PCDHGA3: variants seen among roughly 807,000 people sequenced by gnomAD.
The protein encoded by PCDHGA3 is protocadherin gamma subfamily A, 3, also known as protocadherin gamma-A3.
In PCDHGA3, 40 loss-of-function variants were observed where a neutral mutation model predicts 58.5. The observed-to-expected ratio is 0.68, with a 90% CI of 0.53 to 0.89. The LOEUF is 0.89. Among genes scored for constraint, PCDHGA3 ranks in the 40% least tolerant of loss-of-function variants. The pLI, the probability that PCDHGA3 is intolerant of heterozygous loss-of-function variation, is 0.00. For synonymous variants in PCDHGA3, 530 were observed against 525.7 expected (o/e 1.01, Z -0.11); for missense variants, 1,223 against 1,195.9 (o/e 1.02, Z -0.33).
chr5:141,350,984 G>A (rs776868264), intron 1 of PCDHGA3: 4 of 1,614,090 alleles, frequency 2.5e-6, no homozygotes, highest in South Asian at 1.1e-5. Flanking sequence ...GTTTAGCCAG[G>A]AGGTATACAG....
chr5:141,360,392 T>G (rs765496414), intron 1 of PCDHGA3: 106 of 1,613,788 alleles, frequency 6.6e-5, no homozygotes, highest in Non-Finnish European at 8.9e-5. Context: ...GACTTACTTG[T>G]GAGTGACAGA....
intron 1 of PCDHGA3, chr5:141,377,510 T>C (rs990813838): frequency 6.6e-6 from 1 of 152,006 alleles, no homozygotes; most frequent in African/African-American, 2.4e-5. Context: ...ATAGGAGGAT[T>C]GCTTAAGTCC....
intron 3 of PCDHGA3, 149 bp downstream of exon 3, chr5:141,505,630 A>T: frequency 6.8e-7 from 1 of 1,480,262 alleles, no homozygotes; most frequent in East Asian, 2.4e-5. Flanking sequence ...AATTCCAAAC[A>T]TAAAGCCTGG....
rs71576115 is a variant in PCDHGA3 at position 141,463,438 on chromosome 5, C to CTTTT, written c.2425-31344_2425-31341dup. Among the ~76,000 whole-genome samples, 106 of 103,254 alleles carry CTTTT rather than the reference C, an allele frequency of 1.0e-3. 8 individuals are homozygous for CTTTT. Among genetic ancestry groups the CTTTT allele is most frequent in the African/African-American group, 3.9e-3 (88 of 22,404 alleles). The allele number at this position is 103,254 out of a possible 152,430, so 67.7% of individuals were successfully genotyped here. ...GTTTGCGGATCCTCATTTCCTTCTC[C>CTTTT]TTTTTTTTTTTTTTTTTTTTTTTTT... is the stretch of plus-strand genomic sequence containing the variant. On this transcript the variant is annotated intron_variant, in intron 1 of 3. Transcript: ENST00000253812.
At chr5:141,385,129 G>T in intron 1 of PCDHGA3, 1 of 1,614,200 alleles carries the variant, frequency 6.2e-7, no homozygotes, top group South Asian at 1.1e-5. Context: ...TGTGGGCATG[G>T]ACGGGGTGCA....
intron 1 of PCDHGA3, chr5:141,372,839 A>G: frequency 6.6e-7 from 1 of 1,524,174 alleles, no homozygotes. Context: ...TCCTTCCATA[A>G]ATATAATTGG....
At chr5:141,463,738 G>C (rs1002263384) in intron 1 of PCDHGA3, among the ~76,000 whole-genome samples, 1 of 151,978 alleles carries the variant, frequency 6.6e-6, no homozygotes, top group East Asian at 1.9e-4. Flanking sequence ...GAGCCACCGC[G>C]CCCGGCCTGC....
At chr5:141,448,573 A>AT (rs976781630) in intron 1 of PCDHGA3, among the ~76,000 whole-genome samples, 10 of 151,772 alleles carry the variant, frequency 6.6e-5, no homozygotes, top group East Asian at 5.8e-4. Flanking sequence ...TTATTTCCCC[A>AT]TTTTTTTTAC....
intron 1 of PCDHGA3, chr5:141,405,384 CA>C: frequency 1.9e-6 from 3 of 1,600,664 alleles, no homozygotes; most frequent in Non-Finnish European, 2.6e-6. Context: ...CCGGTGAGTT[CA>C]TTTTTTTTCT....
intron 1 of PCDHGA3, among the ~76,000 whole-genome samples, chr5:141,448,422 T>C (rs1561930551): frequency 3.9e-5 from 6 of 152,150 alleles, no homozygotes; most frequent in Admixed American, 3.3e-4. Flanking sequence ...CAATATACTA[T>C]GTATATATTG....
chr5:141,360,890 G>C, intron 1 of PCDHGA3: 2 of 1,614,058 alleles, frequency 1.2e-6, no homozygotes, highest in Non-Finnish European at 1.7e-6. Context: ...GTCACCCTGA[G>C]GGAGGACGTG....
intron 1 of PCDHGA3, chr5:141,374,655 A>T (rs1490179096): frequency 2.2e-5 from 36 of 1,611,798 alleles, no homozygotes; most frequent in Non-Finnish European, 3.1e-5. Flanking sequence ...GGGCCCAAGT[A>T]CCCGGAGCTG....
intron 1 of PCDHGA3, among the ~76,000 whole-genome samples, chr5:141,381,744 G>A (rs1175308296): frequency 3.3e-5 from 5 of 151,430 alleles, no homozygotes; most frequent in Non-Finnish European, 5.9e-5. Flanking sequence ...TTTGGATTCC[G>A]ACATTGTTCT....
intron 1 of PCDHGA3, among the ~76,000 whole-genome samples, chr5:141,381,121 T>C (rs1490532443): frequency 6.6e-6 from 1 of 152,260 alleles, no homozygotes; most frequent in East Asian, 1.9e-4. Context: ...TTCCCTGTAT[T>C]CTGGAGCAAT....
In PCDHGA3 at chr5:141,423,562, A is replaced by G. The variant is rs374427537; in HGVS notation, c.2425-71245A>G. On this transcript the variant is annotated intron_variant, in intron 1 of 3. Coordinates refer to ENST00000253812, the MANE Select transcript of PCDHGA3 (RefSeq NM_018916.4). ...TTTCCCCCAGCCCAACTATGGGGAC[A>G]CGCTCATCAGCCAGGAGAGCTGTGA... is the stretch of plus-strand genomic sequence containing the variant. 7 of 1,613,498 alleles carry G rather than the reference A, an allele frequency of 4.3e-6. No homozygotes were observed. The African/African-American group carries it at 8.0e-5, about 18-fold the overall frequency.
At position 141,450,006 on chromosome 5, in the gene PCDHGA3, C is replaced by CTATTTTTTTTTTT. The variant is rs70988802; in HGVS notation, c.2425-44800_2425-44799insATTTTTTTTTTTT. Among the ~76,000 whole-genome samples, 4 of 132,982 alleles carry CTATTTTTTTTTTT rather than the reference C, an allele frequency of 3.0e-5. 1 individual carries two copies. The highest frequency in any genetic ancestry group is 5.6e-5 in the African/African-American group (2 of 35,576). 87.2% of individuals were successfully genotyped at this position (132,982 alleles called of 152,430 possible). A position where few individuals can be genotyped will look rare whatever the true frequency, so the allele number is the denominator to read the frequency against. Reference sequence around the variant, plus strand: ...CACATTGCATTTAGTTGCCATGTCTCTTTTTTTTTTTTTTTTTTGAGACAG... The same window carrying CTATTTTTTTTTTT: ...CACATTGCATTTAGTTGCCATGTCTCTATTTTTTTTTTTTTTTTTTTTTTTTTTTTTGAGACAG... On this transcript the variant is annotated intron_variant, in intron 1 of 3. Transcript: ENST00000253812.
At chr5:141,416,093 C>T (rs1241017265) in intron 1 of PCDHGA3, 1 of 162,720 alleles carries the variant, frequency 6.1e-6, no homozygotes, top group Admixed American at 6.4e-5. Flanking sequence ...AGGAGAAGGG[C>T]AATAGGCCTT....
intron 1 of PCDHGA3, among the ~76,000 whole-genome samples, chr5:141,353,606 T>C (rs539618860): frequency 1.4e-4 from 21 of 152,372 alleles, no homozygotes; most frequent in African/African-American, 4.8e-4. Context: ...TCTTAACCAT[T>C]CCTAAATTAT....
intron 1 of PCDHGA3, chr5:141,429,208 G>A (rs568951026): frequency 5.4e-4 from 77 of 142,568 alleles, no homozygotes; most frequent in African/African-American, 1.9e-3. Context: ...ACACACACGT[G>A]TGAAAAGTGG....
Sources: allele counts gnomAD v4.1 joint callset (sites outside exome capture counted in the v4.1 genomes callset), GRCh38; gene constraint gnomAD v4.1.1; transcripts MANE v1.5; gene names NCBI Gene and HGNC (gene_info 2026-07-23, HGNC 2026-07-21).